SKAP2: variants seen among roughly 807,000 people sequenced by gnomAD.
The protein encoded by SKAP2 is src kinase-associated phosphoprotein 2.
SKAP2 carries 28 observed loss-of-function variants against 54.9 expected under a neutral mutation model. The ratio of observed to expected loss-of-function variants is 0.51; its 90% confidence interval spans 0.38 to 0.70. The LOEUF (loss-of-function observed/expected upper bound fraction) is 0.70, where lower values mean the gene tolerates loss of function less well. Ranked by LOEUF, SKAP2 falls within the 30% of genes least tolerant of loss-of-function variation. SKAP2 has a pLI of 0.00. For missense variants in SKAP2, 356 were observed against 424.1 expected (o/e 0.84, Z 1.41); for synonymous variants, 137 against 134.3 (o/e 1.02, Z -0.14).
At chr7:26,810,652 T>A (rs1235651133) in intron 4 of SKAP2, among the ~76,000 whole-genome samples, 1 of 152,114 alleles carries the variant, frequency 6.6e-6, no homozygotes, top group Non-Finnish European at 1.5e-5. Context: ...CAAAACATCA[T>A]GCTGTGTACC....
chr7:26,812,230 G>A (rs1784161854), intron 4 of SKAP2, among the ~76,000 whole-genome samples: 1 of 152,140 alleles, frequency 6.6e-6, no homozygotes, highest in Non-Finnish European at 1.5e-5. Flanking sequence ...GTCTTAGTAA[G>A]TAAATAGAGT....
chr7:26,771,199 G>A (rs986317636), intron 4 of SKAP2, among the ~76,000 whole-genome samples: 2 of 152,196 alleles, frequency 1.3e-5, no homozygotes, highest in Non-Finnish European at 2.9e-5. Context: ...TTCCCTAGGT[G>A]TAGCTAGTGA....
chr7:26,861,940 C>A (rs879407070), intron 1 of SKAP2, among the ~76,000 whole-genome samples: 1 of 151,824 alleles, frequency 6.6e-6, no homozygotes, highest in African/African-American at 2.4e-5. Flanking sequence ...GGACTTTAAA[C>A]CCCTGAAAAG....
At chr7:26,725,396 A>T (rs750766912) in intron 9 of SKAP2, 32 bp downstream of exon 9, 1 of 1,564,188 alleles carries the variant, frequency 6.4e-7, no homozygotes, top group Non-Finnish European at 8.8e-7. Context: ...ACAGCCCTAA[A>T]ATCTTTAAAT....
intron 4 of SKAP2, among the ~76,000 whole-genome samples, chr7:26,770,771 T>A (rs1381083330): frequency 1.3e-5 from 2 of 152,150 alleles, no homozygotes; most frequent in Non-Finnish European, 2.9e-5. Flanking sequence ...CTGCTCACCC[T>A]CCTTGGGCTG....
chr7:26,710,170 G>A (rs1245473201), intron 9 of SKAP2, among the ~76,000 whole-genome samples: 1 of 152,142 alleles, frequency 6.6e-6, no homozygotes, highest in Non-Finnish European at 1.5e-5. Context: ...TTATGAGGAA[G>A]GCACTTGGTC....
intron 4 of SKAP2, among the ~76,000 whole-genome samples, chr7:26,812,825 C>T (rs1784181275): frequency 6.6e-6 from 1 of 150,480 alleles, no homozygotes; most frequent in Non-Finnish European, 1.5e-5. Context: ...AGCCATAAAA[C>T]CATGCTTTTT....
intron 4 of SKAP2, among the ~76,000 whole-genome samples, chr7:26,804,205 T>C (rs960294149): frequency 6.6e-6 from 1 of 152,184 alleles, no homozygotes; most frequent in African/African-American, 2.4e-5. Context: ...TGCATGCCCG[T>C]ATCAAAATGT....
chr7:26,738,956 C>A lies in SKAP2; in HGVS notation c.386-78G>T. 3 of 857,420 alleles carry A rather than the reference C, an allele frequency of 3.5e-6. No homozygotes were observed. In the South Asian group the frequency reaches 4.1e-5, roughly 12 times the overall value. 53.1% of individuals were successfully genotyped at this position (857,420 alleles called of 1,614,324 possible). ...GTTAATTAATATGATTTCTAAGATT[C>A]CTCTGAGCTCTAACATTGTGTGACT... On this transcript the variant is annotated intron_variant, in intron 5 of 12. Transcript: ENST00000345317.
chr7:26,828,930 G>A lies in SKAP2; in HGVS notation c.307+15100C>T, dbSNP rs1163271479. Among the ~76,000 whole-genome samples the A allele has an allele frequency of 2.6e-5, 4 of 151,900 alleles. No individual in the cohort carries two copies. In the East Asian group the frequency reaches 5.8e-4, roughly 22 times the overall value. On this transcript the variant is annotated intron_variant, in intron 4 of 12. Transcript: ENST00000345317. ...TAATCCCAGCTACTTGGGAGGCTGA[G>A]GCACGAGAATCACTGGAACCCAGTG...
intron 4 of SKAP2, among the ~76,000 whole-genome samples, chr7:26,745,406 A>G (rs1310524476): frequency 6.6e-6 from 1 of 152,264 alleles, no homozygotes; most frequent in Non-Finnish European, 1.5e-5. Context: ...AAATAAATAA[A>G]GCATCTACAA....
At chr7:26,719,048 C>T (rs1020872051) in intron 9 of SKAP2, among the ~76,000 whole-genome samples, 1 of 151,960 alleles carries the variant, frequency 6.6e-6, no homozygotes, top group African/African-American at 2.4e-5. Context: ...GGCATGGCAG[C>T]GCATGCCTGT....
chr7:26,660,334 G>A, the SKAP2 span, among the ~76,000 whole-genome samples: 1 of 152,166 alleles, frequency 6.6e-6, no homozygotes, highest in East Asian at 1.9e-4. Context: ...GATGTGAAAT[G>A]AGAATAATCT....
At chr7:26,699,428 T>G (rs1334603714) in intron 9 of SKAP2, among the ~76,000 whole-genome samples, 3 of 152,124 alleles carry the variant, frequency 2.0e-5, no homozygotes, top group Non-Finnish European at 2.9e-5. Flanking sequence ...TAGGGGGAAA[T>G]ATAGTTATTT....
At chr7:26,716,109 A>C (rs2127952083) in intron 9 of SKAP2, among the ~76,000 whole-genome samples, 1 of 152,316 alleles carries the variant, frequency 6.6e-6, no homozygotes, top group East Asian at 1.9e-4. Flanking sequence ...TGAATGAACA[A>C]ATATTCTCTA....
At chr7:26,659,432 AT>A in the SKAP2 span, among the ~76,000 whole-genome samples, 1 of 152,168 alleles carries the variant, frequency 6.6e-6, no homozygotes, top group Admixed American at 6.6e-5. Flanking sequence ...AAGAGGTGTA[AT>A]GAAAACAAAA....
At chr7:26,790,213 C>CAAAACCTG (rs955185404) in intron 4 of SKAP2, among the ~76,000 whole-genome samples, 2 of 152,148 alleles carry the variant, frequency 1.3e-5, no homozygotes, top group Admixed American at 1.3e-4. Flanking sequence ...CACCTGGATA[C>CAAAACCTG]AAAACCTGCC....
At chr7:26,663,661 T>C (rs1786057492), downstream of SKAP2, among the ~76,000 whole-genome samples, 1 of 152,130 alleles carries the variant, frequency 6.6e-6, no homozygotes, top group Non-Finnish European at 1.5e-5. Flanking sequence ...TTAAAACCCA[T>C]CTCCTAAAAA....
intron 4 of SKAP2, among the ~76,000 whole-genome samples, chr7:26,807,320 C>A (rs1784049901): frequency 6.6e-6 from 1 of 152,156 alleles, no homozygotes; most frequent in African/African-American, 2.4e-5. Context: ...AGGGAAGGAC[C>A]TGGTGGGAAG....
Sources: gnomAD v4.1 joint callset for allele counts (sites outside exome capture counted in the v4.1 genomes callset) on GRCh38, gnomAD v4.1.1 for gene constraint, MANE v1.5 for transcripts, NCBI Gene and HGNC (gene_info 2026-07-23, HGNC 2026-07-21) for gene names.